The following CELF2 variants were observed in gnomAD, a reference collection of about 807,000 sequenced individuals.
The protein encoded by CELF2 is CUGBP Elav-like family member 2.
Under a neutral mutation model 62.6 loss-of-function variants are expected in CELF2, and 8 were observed. The observed-to-expected ratio is 0.13, with a 90% CI of 0.07 to 0.23. The LOEUF (loss-of-function observed/expected upper bound fraction) is 0.23. Ranked by LOEUF, CELF2 falls within the 10% of genes least tolerant of loss-of-function variation. The probability of loss-of-function intolerance (pLI) is 1.00; values close to 1 mark genes in which losing one functional copy is unlikely to be tolerated. For synonymous variants in CELF2, 258 were observed against 250.0 expected (o/e 1.03, Z -0.30); for missense variants, 333 against 671.0 (o/e 0.50, Z 5.56).
At chr10:10,985,899 T>C (rs2136515434) in intron 2 of CELF2, among the ~76,000 whole-genome samples, 1 of 152,306 alleles carries the variant, frequency 6.6e-6, no homozygotes, top group Middle Eastern at 3.4e-3. Flanking sequence ...TGTCCAACCA[T>C]AGAATAGGCA....
chr10:10,588,161 C>T, the CELF2 span, among the ~76,000 whole-genome samples: 7,129 of 152,200 alleles, frequency 0.047, 219 homozygotes, highest in East Asian at 0.067. Context: ...CGGGCAGTCT[C>T]TCAGACGCTG....
At chr10:10,857,649 G>GTATATA (rs779543257) in intron 1 of CELF2, among the ~76,000 whole-genome samples, 5,057 of 93,762 alleles carry the variant, frequency 0.054, 201 homozygotes, top group Admixed American at 0.11. Context: ...CATATATATA[G>GTATATA]TATATATATA....
At chr10:10,598,861 CT>C in the CELF2 span, among the ~76,000 whole-genome samples, 2 of 136,292 alleles carry the variant, frequency 1.5e-5, no homozygotes, top group Non-Finnish European at 3.0e-5. Flanking sequence ...TAAAGCAATT[CT>C]CTGCCTCAGC....
intron 8 of CELF2, among the ~76,000 whole-genome samples, chr10:11,286,456 C>T (rs1437516611): frequency 3.3e-5 from 5 of 152,218 alleles, no homozygotes; most frequent in African/African-American, 9.6e-5. Context: ...GACAGACCTG[C>T]GTGAATGTAC....
chr10:10,827,097 GGTTGT>G (rs1462451447), intron 1 of CELF2, among the ~76,000 whole-genome samples: 1 of 123,040 alleles, frequency 8.1e-6, no homozygotes, highest in African/African-American at 3.6e-5. Flanking sequence ...GATCAAAGAG[GGTTGT>G]TTGTTTGTTT....
At chr10:10,769,175 A>G in the CELF2 span, among the ~76,000 whole-genome samples, 2 of 152,172 alleles carry the variant, frequency 1.3e-5, no homozygotes, top group Non-Finnish European at 2.9e-5. Flanking sequence ...GAATGCAGAG[A>G]TTAAAGCTGT....
chr10:10,556,007 A>G, the CELF2 span, among the ~76,000 whole-genome samples: 1 of 152,152 alleles, frequency 6.6e-6, no homozygotes. Context: ...AACTTCAATA[A>G]TAGCCTGCAT....
the CELF2 span, among the ~76,000 whole-genome samples, chr10:10,498,457 T>A: frequency 6.6e-6 from 1 of 152,208 alleles, no homozygotes; most frequent in African/African-American, 2.4e-5. Context: ...TGAGCTTGGC[T>A]CCTGGAGGCA....
chr10:10,572,330 TTTTTTCTTTTTTTTTTAA>T, the CELF2 span, among the ~76,000 whole-genome samples: 29,095 of 145,676 alleles, frequency 0.2, 2,899 homozygotes, highest in Middle Eastern at 0.28. Context: ...GTTCGGTTGG[TTTTTTCTTTTTTTTTTAA>T]TTTTTCTTTT....
the CELF2 span, among the ~76,000 whole-genome samples, chr10:10,739,199 T>C: frequency 6.6e-6 from 1 of 152,202 alleles, no homozygotes; most frequent in Non-Finnish European, 1.5e-5. Flanking sequence ...TAGATGCATA[T>C]ATATGTCTAT....
chr10:11,221,824 T>C (rs2064960022), intron 3 of CELF2, among the ~76,000 whole-genome samples: 1 of 152,224 alleles, frequency 6.6e-6, no homozygotes, highest in South Asian at 2.1e-4. Context: ...TATTAAGGAG[T>C]TATTGCCCTA....
At chr10:10,930,076 T>C (rs1225892351) in intron 2 of CELF2, among the ~76,000 whole-genome samples, 1 of 152,232 alleles carries the variant, frequency 6.6e-6, no homozygotes, top group Non-Finnish European at 1.5e-5. Flanking sequence ...TAAGAATCCA[T>C]AGTGACTGAA....
At chr10:10,646,688 C>T in the CELF2 span, among the ~76,000 whole-genome samples, 2 of 152,154 alleles carry the variant, frequency 1.3e-5, no homozygotes, top group South Asian at 4.1e-4. Context: ...TTATGACAAG[C>T]TGTGATGAAA....
At chr10:11,312,468 G>A (rs1281897428) in intron 9 of CELF2, among the ~76,000 whole-genome samples, 1 of 152,156 alleles carries the variant, frequency 6.6e-6, no homozygotes, top group African/African-American at 2.4e-5. Context: ...GGGTTCAGAG[G>A]GGGCTCTTCT....
intron 1 of CELF2, among the ~76,000 whole-genome samples, chr10:10,869,197 G>T (rs1591375038): frequency 6.6e-6 from 1 of 152,136 alleles, no homozygotes; most frequent in Non-Finnish European, 1.5e-5. Context: ...AAGAGAAAAA[G>T]TCCATGTAAA....
At chr10:10,820,110 C>G (rs2056830530) in intron 1 of CELF2, among the ~76,000 whole-genome samples, 2 of 152,164 alleles carry the variant, frequency 1.3e-5, no homozygotes, top group Admixed American at 6.6e-5. Flanking sequence ...GCTTCTTCCT[C>G]ATTTTTCTCT....
chr10:10,703,531 C>G, the CELF2 span, among the ~76,000 whole-genome samples: 2 of 152,202 alleles, frequency 1.3e-5, no homozygotes, highest in Non-Finnish European at 2.9e-5. Context: ...AAACACAGCC[C>G]TTTCTACTAT....
intron 2 of CELF2, among the ~76,000 whole-genome samples, chr10:10,975,440 T>C (rs2051217916): frequency 6.6e-6 from 1 of 152,186 alleles, no homozygotes; most frequent in Non-Finnish European, 1.5e-5. Flanking sequence ...GGCCAACACA[T>C]TGTTTAAATG....
chr10:11,104,540 A>G (rs2052804626), intron 1 of CELF2, among the ~76,000 whole-genome samples: 1 of 152,104 alleles, frequency 6.6e-6, no homozygotes, highest in Non-Finnish European at 1.5e-5. Flanking sequence ...AAAATTAGCC[A>G]GGTGTGTGGT....
Sources: gnomAD v4.1 joint callset for allele counts (sites outside exome capture counted in the v4.1 genomes callset) on GRCh38, gnomAD v4.1.1 for gene constraint, MANE v1.5 for transcripts, NCBI Gene and HGNC (gene_info 2026-07-23, HGNC 2026-07-21) for gene names.